SLC30A8: variants seen among roughly 807,000 people sequenced by gnomAD.
SLC30A8 encodes the protein solute carrier family 30 member 8, also known as proton-coupled zinc antiporter SLC30A8.
In SLC30A8, 27 loss-of-function variants were observed where a neutral mutation model predicts 36.9. The observed-to-expected ratio is 0.73, with a 90% confidence interval of 0.54 to 1.01. The LOEUF (loss-of-function observed/expected upper bound fraction) is 1.01. Ranked by LOEUF, SLC30A8 falls within the 50% of genes least tolerant of loss-of-function variation. The pLI, the probability that SLC30A8 is intolerant of heterozygous loss-of-function variation, is 0.00. For missense variants in SLC30A8, 439 were observed against 452.0 expected (o/e 0.97, Z 0.26); for synonymous variants, 164 against 172.4 (o/e 0.95, Z 0.38).
intron 2 of SLC30A8, among the ~76,000 whole-genome samples, chr8:117,080,248 A>G (rs116820179): frequency 8.5e-4 from 129 of 152,362 alleles, no homozygotes; most frequent in African/African-American, 2.9e-3. Context: ...ACTGAATATA[A>G]GAACAATTCA....
chr8:116,973,320 A>G (rs1814855751), intron 1 of SLC30A8, among the ~76,000 whole-genome samples: 1 of 152,210 alleles, frequency 6.6e-6, no homozygotes, highest in Non-Finnish European at 1.5e-5. Flanking sequence ...GATTTGGACC[A>G]GTGAGATGTG....
At chr8:116,976,646 A>G (rs905018118) in intron 1 of SLC30A8, among the ~76,000 whole-genome samples, 1 of 152,150 alleles carries the variant, frequency 6.6e-6, no homozygotes, top group African/African-American at 2.4e-5. Flanking sequence ...GGGCAAAGCC[A>G]GGAGCGCAGA....
intron 2 of SLC30A8, among the ~76,000 whole-genome samples, chr8:117,057,469 T>C (rs1817907423): frequency 6.6e-6 from 1 of 151,998 alleles, no homozygotes; most frequent in Non-Finnish European, 1.5e-5. Flanking sequence ...GTACATTAGG[T>C]CCCAAGAATT....
intron 4 of SLC30A8, among the ~76,000 whole-genome samples, chr8:117,158,833 G>A (rs1000991065): frequency 2.0e-5 from 3 of 152,138 alleles, no homozygotes; most frequent in African/African-American, 7.2e-5. Context: ...ACAGAATAAT[G>A]ACCCATTCTC....
chr8:116,977,141 C>T (rs1184257565), intron 1 of SLC30A8, among the ~76,000 whole-genome samples: 7 of 59,098 alleles, frequency 1.2e-4, no homozygotes, highest in Admixed American at 3.0e-4. Flanking sequence ...CTTTTTCTTG[C>T]TTTTTTTTTT....
intron 1 of SLC30A8, among the ~76,000 whole-genome samples, chr8:116,988,518 T>A (rs1452450764): frequency 2.0e-5 from 3 of 152,204 alleles, no homozygotes; most frequent in Non-Finnish European, 4.4e-5. Context: ...CATAATTACC[T>A]TCTGTTCATT....
chr8:117,094,918 T>G (rs1819293339), intron 2 of SLC30A8, among the ~76,000 whole-genome samples: 1 of 152,250 alleles, frequency 6.6e-6, no homozygotes, highest in Non-Finnish European at 1.5e-5. Context: ...GGCATAGCAG[T>G]GCTGCCCTGA....
At chr8:117,103,605 GCTGGGA>G (rs1232788962) in intron 2 of SLC30A8, among the ~76,000 whole-genome samples, 1 of 152,154 alleles carries the variant, frequency 6.6e-6, no homozygotes, top group Non-Finnish European at 1.5e-5. Flanking sequence ...TTCCCAAGTA[GCTGGGA>G]CTACAGGCAT....
intron 1 of SLC30A8, among the ~76,000 whole-genome samples, chr8:116,962,558 G>A (rs138637294): frequency 6.6e-6 from 1 of 152,136 alleles, no homozygotes; most frequent in Non-Finnish European, 1.5e-5. Context: ...ATGAGCATCA[G>A]TAGCCTGGGA....
intron 2 of SLC30A8, among the ~76,000 whole-genome samples, chr8:117,114,880 T>C (rs1392542610): frequency 6.6e-6 from 1 of 151,954 alleles, no homozygotes; most frequent in African/African-American, 2.4e-5. Flanking sequence ...GCCTTCTTTG[T>C]CTTTCTCTCT....
At chr8:117,036,397 A>T (rs946413892) in intron 1 of SLC30A8, among the ~76,000 whole-genome samples, 1 of 152,162 alleles carries the variant, frequency 6.6e-6, no homozygotes, top group African/African-American at 2.4e-5. Flanking sequence ...CACATTTTCA[A>T]GTATTTTTAT....
chr8:117,158,173 A>C (rs887398385), intron 4 of SLC30A8, among the ~76,000 whole-genome samples: 2 of 152,186 alleles, frequency 1.3e-5, no homozygotes, highest in Admixed American at 6.5e-5. Context: ...GGTTAAATAC[A>C]CTGCCAGTTA....
intron 2 of SLC30A8, among the ~76,000 whole-genome samples, chr8:117,118,633 T>A (rs530618806): frequency 6.6e-6 from 1 of 152,056 alleles, no homozygotes; most frequent in Admixed American, 6.6e-5. Flanking sequence ...CTAATGTATA[T>A]TTGGTAGCAT....
intron 2 of SLC30A8, among the ~76,000 whole-genome samples, chr8:117,113,946 C>G (rs141096304): frequency 6.6e-6 from 1 of 151,986 alleles, no homozygotes; most frequent in Non-Finnish European, 1.5e-5. Context: ...ATTTGTGAAA[C>G]GAGGACAACA....
chr8:116,961,167 C>T (rs1172932207), intron 1 of SLC30A8, among the ~76,000 whole-genome samples: 4 of 152,164 alleles, frequency 2.6e-5, no homozygotes, highest in African/African-American at 9.7e-5. Context: ...CGGTGGCTCA[C>T]GCCTGTAATC....
chr8:117,006,256 A>G (rs187196786), intron 1 of SLC30A8, among the ~76,000 whole-genome samples: 20 of 152,292 alleles, frequency 1.3e-4, no homozygotes, highest in African/African-American at 4.6e-4. Flanking sequence ...TACATAATAC[A>G]AAGTCTTGGG....
chr8:116,990,924 CTG>C (rs1815617662), intron 1 of SLC30A8, among the ~76,000 whole-genome samples: 1 of 151,948 alleles, frequency 6.6e-6, no homozygotes, highest in Non-Finnish European at 1.5e-5. Context: ...ATTTTTGCAT[CTG>C]TGTGTGTCTG....
At chr8:116,953,722 T>G (rs1415487739) in intron 1 of SLC30A8, among the ~76,000 whole-genome samples, 1 of 152,222 alleles carries the variant, frequency 6.6e-6, no homozygotes, top group African/African-American at 2.4e-5. Context: ...TTTGTAGCAT[T>G]TTTCTATCAA....
chr8:117,013,998 G>A (rs1816429692), intron 1 of SLC30A8, among the ~76,000 whole-genome samples: 1 of 152,074 alleles, frequency 6.6e-6, no homozygotes, highest in Admixed American at 6.6e-5. Flanking sequence ...TGAAAAAAGT[G>A]TGAAACAGAC....
Sources: gnomAD v4.1 joint callset for allele counts (sites outside exome capture counted in the v4.1 genomes callset) on GRCh38, gnomAD v4.1.1 for gene constraint, MANE v1.5 for transcripts, NCBI Gene and HGNC (gene_info 2026-07-23, HGNC 2026-07-21) for gene names.